C13orf42: variants seen among roughly 807,000 people sequenced by gnomAD.
The protein encoded by C13orf42 is uncharacterized protein C13orf42.
At chr13:51,143,198 T>C (rs1289258773) in intron 1 of C13orf42, among the ~76,000 whole-genome samples, 1 of 152,104 alleles carries the variant, frequency 6.6e-6, no homozygotes. Flanking sequence ...TCAGGCCCCA[T>C]AGAAGATGCT....
chr13:51,088,778 T>C (rs1829165086), intron 1 of C13orf42, among the ~76,000 whole-genome samples: 1 of 152,200 alleles, frequency 6.6e-6, no homozygotes, highest in Non-Finnish European at 1.5e-5. Flanking sequence ...AAATTAAAAT[T>C]AGTATGGTTG....
At chr13:51,106,916 G>A (rs774101841) in intron 1 of C13orf42, among the ~76,000 whole-genome samples, 6 of 152,166 alleles carry the variant, frequency 3.9e-5, no homozygotes, top group Admixed American at 1.3e-4. Flanking sequence ...CCTCACGTAC[G>A]GATTTTTTTT....
intron 1 of C13orf42, among the ~76,000 whole-genome samples, chr13:51,122,954 T>TG (rs1192041072): frequency 6.6e-6 from 1 of 152,100 alleles, no homozygotes; most frequent in African/African-American, 2.4e-5. Context: ...CTGAAAACAA[T>TG]GGGGGAGAAA....
At chr13:51,172,352 C>T (rs1171089644) in exon 1 of C13orf42, 2 of 151,918 alleles carry the variant, frequency 1.3e-5, no homozygotes, top group African/African-American at 2.4e-5. Flanking sequence ...CTGACACTGC[C>T]GGATCACCTC....
intron 1 of C13orf42, among the ~76,000 whole-genome samples, chr13:51,139,304 A>G (rs957711095): frequency 1.3e-5 from 2 of 152,130 alleles, no homozygotes; most frequent in Non-Finnish European, 2.9e-5. Context: ...AATGAGTGAG[A>G]TTCTGTCTCA....
At chr13:51,105,316 C>T (rs1035034787) in intron 1 of C13orf42, among the ~76,000 whole-genome samples, 12 of 152,212 alleles carry the variant, frequency 7.9e-5, no homozygotes, top group Non-Finnish European at 1.0e-4. Context: ...CTTGCTCTCT[C>T]GCAAGACCGA....
chr13:51,135,640 A>G (rs779940742), intron 1 of C13orf42, among the ~76,000 whole-genome samples: 6 of 149,688 alleles, frequency 4.0e-5, no homozygotes, highest in Non-Finnish European at 8.9e-5. Flanking sequence ...GCAACAGAGC[A>G]AGACCCTGTC....
At chr13:51,171,352 G>A (rs931440258) in intron 1 of C13orf42, among the ~76,000 whole-genome samples, 11 of 152,122 alleles carry the variant, frequency 7.2e-5, no homozygotes, top group African/African-American at 2.2e-4. Flanking sequence ...ATAGGCAAAC[G>A]GTCTGAGGTG....
chr13:51,163,740 C>T (rs1953884018), intron 1 of C13orf42, among the ~76,000 whole-genome samples: 1 of 152,134 alleles, frequency 6.6e-6, no homozygotes, highest in African/African-American at 2.4e-5. Flanking sequence ...AAACTCTGAA[C>T]TCACATTCTT....
At chr13:51,152,796 A>C (rs1275321773) in intron 1 of C13orf42, among the ~76,000 whole-genome samples, 4 of 152,186 alleles carry the variant, frequency 2.6e-5, no homozygotes, top group Non-Finnish European at 5.9e-5. Context: ...CCTAAGCCCT[A>C]GTCCTGGGAA....
At chr13:51,159,561 T>C (rs547066758) in intron 1 of C13orf42, among the ~76,000 whole-genome samples, 4 of 152,224 alleles carry the variant, frequency 2.6e-5, no homozygotes, top group Non-Finnish European at 5.9e-5. Flanking sequence ...TCTCTCTCTT[T>C]GGGCTGTTGC....
intron 1 of C13orf42, among the ~76,000 whole-genome samples, chr13:51,154,932 G>A (rs929163046): frequency 2.6e-5 from 4 of 152,182 alleles, no homozygotes; most frequent in Admixed American, 2.0e-4. Flanking sequence ...CTTTTAAGGG[G>A]CCGGTAAGGT....
At chr13:51,156,346 G>A (rs1352344321) in intron 1 of C13orf42, among the ~76,000 whole-genome samples, 1 of 152,182 alleles carries the variant, frequency 6.6e-6, no homozygotes, top group Non-Finnish European at 1.5e-5. Flanking sequence ...TGTGCCAAGT[G>A]CATACTGTGT....
At chr13:51,146,298 T>C (rs1391602860) in intron 1 of C13orf42, among the ~76,000 whole-genome samples, 1 of 152,216 alleles carries the variant, frequency 6.6e-6, no homozygotes, top group Non-Finnish European at 1.5e-5. Context: ...AACTCACTTT[T>C]GTATTGACGG....
At chr13:51,085,894 C>T (rs866696305) in intron 2 of C13orf42, among the ~76,000 whole-genome samples, 1 of 152,088 alleles carries the variant, frequency 6.6e-6, no homozygotes, top group Non-Finnish European at 1.5e-5. Flanking sequence ...ATTAAAAATA[C>T]AAAAATTAGC....
chr13:51,149,007 C>T (rs1042423422), intron 1 of C13orf42, among the ~76,000 whole-genome samples: 1 of 152,116 alleles, frequency 6.6e-6, no homozygotes, highest in Non-Finnish European at 1.5e-5. Flanking sequence ...TCTGACTGCC[C>T]ACCTCCTGCC....
intron 1 of C13orf42, among the ~76,000 whole-genome samples, chr13:51,143,382 T>C (rs534084539): frequency 2.6e-5 from 4 of 152,314 alleles, no homozygotes; most frequent in Non-Finnish European, 4.4e-5. Flanking sequence ...CAAAGGCACA[T>C]TGATGCAAAA....
intron 1 of C13orf42, among the ~76,000 whole-genome samples, chr13:51,168,925 G>A (rs1341120954): frequency 5.9e-5 from 9 of 152,054 alleles, no homozygotes; most frequent in Middle Eastern, 3.4e-3. Flanking sequence ...TTTGCCTTCC[G>A]CCATAATTGT....
chr13:51,156,327 C>T (rs8001016), intron 1 of C13orf42, among the ~76,000 whole-genome samples: 40,317 of 152,082 alleles, frequency 0.27, 5,573 homozygotes, highest in Admixed American at 0.33. Context: ...ACATGTATAG[C>T]TCTTACTATG....
Sources: gnomAD v4.1 joint callset for allele counts (sites outside exome capture counted in the v4.1 genomes callset) on GRCh38, gnomAD v4.1.1 for gene constraint, MANE v1.5 for transcripts, NCBI Gene and HGNC (gene_info 2026-07-23, HGNC 2026-07-21) for gene names.